Variants in B3GALNT2 observed in about 807,000 individuals in gnomAD.
The protein encoded by B3GALNT2 is UDP-GalNAc:beta-1,3-N-acetylgalactosaminyltransferase 2.
Under a neutral mutation model 61.1 loss-of-function variants are expected in B3GALNT2, and 53 were observed. The ratio of observed to expected loss-of-function variants is 0.87; its 90% CI spans 0.70 to 1.09. B3GALNT2 has a LOEUF of 1.09. Ranked by LOEUF, B3GALNT2 falls within the 50% of genes least tolerant of loss-of-function variation. The pLI is 0.00. For synonymous variants in B3GALNT2, 223 were observed against 237.4 expected (o/e 0.94, Z 0.56); for missense variants, 544 against 623.0 (o/e 0.87, Z 1.35).
chr1:235,448,674 C>CGGGCA lies in B3GALNT2; in HGVS notation c.*1527_*1531dup. On this transcript the variant is annotated 3_prime_UTR_variant, in exon 12 of 12. Transcript: ENST00000366600. ...CCACCTTCGTTCTAATTTTAGAAGC[C>CGGGCA]GGGCAGAGAAATCGAGCTGGAAAAT... 1.9e-6 allele frequency: 3 copies of CGGGCA among 1,613,368 alleles called. No individual in the cohort carries two copies. The highest frequency in any genetic ancestry group is 2.5e-6 in the Non-Finnish European group (3 of 1,179,506).
At chr1:235,453,507 A>G (rs1241436872) in intron 10 of B3GALNT2, among the ~76,000 whole-genome samples, 1 of 150,962 alleles carries the variant, frequency 6.6e-6, no homozygotes, top group African/African-American at 2.4e-5. Flanking sequence ...CCAGGCTGGC[A>G]TGCAGTGGCG....
At chr1:235,503,970 G>A (rs1420176333) in intron 1 of B3GALNT2, among the ~76,000 whole-genome samples, 171 bp downstream of exon 1, 3 of 152,216 alleles carry the variant, frequency 2.0e-5, no homozygotes, top group African/African-American at 7.2e-5. Context: ...GCTCCCTCAA[G>A]TTTGCCCGAT....
intron 3 of B3GALNT2, among the ~76,000 whole-genome samples, chr1:235,486,892 G>A (rs1684832225): frequency 6.6e-6 from 1 of 152,136 alleles, no homozygotes; most frequent in African/African-American, 2.4e-5. Context: ...AGTGAGGCCA[G>A]GCGTGGTGGC....
chr1:235,441,801 CT>C, the B3GALNT2 span: 1 of 1,613,412 alleles, frequency 6.2e-7, no homozygotes, highest in Non-Finnish European at 8.5e-7. Context: ...ATCTCTTTTG[CT>C]TTCTTAAACA....
chr1:235,466,230 CTT>C (rs57389033), intron 6 of B3GALNT2, among the ~76,000 whole-genome samples: 66 of 134,460 alleles, frequency 4.9e-4, no homozygotes, highest in Non-Finnish European at 6.3e-4. Context: ...TTTAATTTTT[CTT>C]TTTTTTTTTT....
rs1312271282 is a variant in B3GALNT2, at chr1:235,447,649, C to T, written c.*2557G>A. 6.6e-6 allele frequency among the ~76,000 whole-genome samples: 1 copy of T among 152,146 alleles called. No individual in the cohort carries two copies. The highest frequency in any genetic ancestry group is 1.5e-5 in the Non-Finnish European group (1 of 68,028). On this transcript the variant is annotated 3_prime_UTR_variant, in exon 12 of 12. Coordinates refer to ENST00000366600, the MANE Select transcript of B3GALNT2 (RefSeq NM_152490.5). ...TCCTCAGGATACCTGAGTCCCATTC[C>T]AGTGTTCGTTCAGTAATTCATAAGG...
At chr1:235,453,068 G>A in intron 11 of B3GALNT2, 22 bp downstream of exon 11, 2 of 1,595,768 alleles carry the variant, frequency 1.3e-6, no homozygotes, top group Non-Finnish European at 1.7e-6. Context: ...TAAGAACCCT[G>A]AGGCCATCCC....
chr1:235,485,074 A>G (rs1195718359), intron 3 of B3GALNT2, among the ~76,000 whole-genome samples: 1 of 152,224 alleles, frequency 6.6e-6, no homozygotes. Context: ...TATCAAACAC[A>G]GTTTTGAACC....
intron 2 of B3GALNT2, among the ~76,000 whole-genome samples, chr1:235,494,122 A>C (rs1053562138): frequency 5.3e-5 from 8 of 152,154 alleles, no homozygotes; most frequent in African/African-American, 1.7e-4. Flanking sequence ...ATACTACAAA[A>C]CTGAAAAAAA....
rs756270222 is a variant in B3GALNT2, at chr1:235,448,441, G to GTAAGT, written c.*1760_*1764dup. On this transcript the variant is annotated 3_prime_UTR_variant, in exon 12 of 12. Coordinates refer to ENST00000366600, the MANE Select transcript of B3GALNT2 (RefSeq NM_152490.5). ...TCTGTTGTCCTATGAAAGTCCCAAA[G>GTAAGT]TAAGTTGCCCAGCAAAATACAAAGT... 7.4e-6 allele frequency: 12 copies of GTAAGT among 1,613,912 alleles called. No homozygotes were observed. The highest frequency in any genetic ancestry group is 1.0e-5 in the Non-Finnish European group (12 of 1,179,920).
At chr1:235,495,968 A>T (rs969899678) in intron 1 of B3GALNT2, among the ~76,000 whole-genome samples, 2 of 152,208 alleles carry the variant, frequency 1.3e-5, no homozygotes, top group Non-Finnish European at 2.9e-5. Context: ...TATAATACAG[A>T]AATTTTTGTG....
intron 1 of B3GALNT2, among the ~76,000 whole-genome samples, chr1:235,501,197 C>T (rs938390334): frequency 6.6e-6 from 1 of 152,170 alleles, no homozygotes; most frequent in South Asian, 2.1e-4. Context: ...ATCAAGATAT[C>T]CTATGTTTAG....
chr1:235,444,175 AG>A (rs1426517644), downstream of B3GALNT2, among the ~76,000 whole-genome samples: 1 of 152,226 alleles, frequency 6.6e-6, no homozygotes, highest in Non-Finnish European at 1.5e-5. Context: ...TTGTGTTCAA[AG>A]AAGTACCTTT....
chr1:235,494,401 G>C (rs2102862362), intron 2 of B3GALNT2, among the ~76,000 whole-genome samples: 1 of 152,114 alleles, frequency 6.6e-6, no homozygotes, highest in East Asian at 1.9e-4. Context: ...ATTTCTCCCA[G>C]GAAGAGCCCA....
At chr1:235,460,642 T>C (rs536727063) in intron 7 of B3GALNT2, among the ~76,000 whole-genome samples, 4 of 151,930 alleles carry the variant, frequency 2.6e-5, no homozygotes, top group African/African-American at 9.6e-5. Context: ...GGTGTAATTA[T>C]AGCTTACTGC....
At chr1:235,458,533 G>A (rs1231702304) in intron 8 of B3GALNT2, 70 bp downstream of exon 8, 3 of 1,512,402 alleles carry the variant, frequency 2.0e-6, no homozygotes, top group African/African-American at 1.4e-5. Context: ...AGCCTAGTAA[G>A]ACCCCATCTC....
chr1:235,493,951 G>A (rs1558440741), intron 2 of B3GALNT2, among the ~76,000 whole-genome samples: 1 of 152,094 alleles, frequency 6.6e-6, no homozygotes, highest in Non-Finnish European at 1.5e-5. Context: ...ATCTTCAGAG[G>A]TTGATCTCAT....
chr1:235,443,032 C>T (rs533767497), downstream of B3GALNT2: 16 of 963,600 alleles, frequency 1.7e-5, no homozygotes, highest in South Asian at 2.0e-4. Context: ...TACAGGTTTT[C>T]ATTAGTCTTT....
intron 4 of B3GALNT2, among the ~76,000 whole-genome samples, chr1:235,480,642 C>T (rs909877687): frequency 1.3e-4 from 20 of 151,926 alleles, no homozygotes; most frequent in Admixed American, 5.9e-4. Context: ...CAGTGGCTCA[C>T]GCTTGTAATC....
Sources: allele counts gnomAD v4.1 joint callset (sites outside exome capture counted in the v4.1 genomes callset), GRCh38; gene constraint gnomAD v4.1.1; transcripts MANE v1.5; gene names NCBI Gene and HGNC (gene_info 2026-07-23, HGNC 2026-07-21).